Variants in DSCAML1 observed in about 807,000 individuals in gnomAD.
DSCAML1 encodes the protein cell adhesion molecule DSCAML1.
A neutral mutation model predicts 200.5 loss-of-function variants in DSCAML1; 38 were observed. The observed-to-expected ratio is 0.19, with a 90% CI of 0.15 to 0.25. The LOEUF (loss-of-function observed/expected upper bound fraction) is 0.25, where lower values mean the gene tolerates loss of function less well. DSCAML1 is among the 10% of genes least tolerant of loss of function. The pLI, the probability that DSCAML1 is intolerant of heterozygous loss-of-function variation, is 1.00. For missense variants in DSCAML1, 2,223 were observed against 2,858.8 expected (o/e 0.78, Z 5.07); for synonymous variants, 1,215 against 1,165.0 (o/e 1.04, Z -0.87).
intron 3 of DSCAML1, among the ~76,000 whole-genome samples, chr11:117,640,015 G>A (rs2052372845): frequency 6.6e-6 from 1 of 152,176 alleles, no homozygotes; most frequent in Admixed American, 6.5e-5. Context: ...GACTTGGGTG[G>A]GTGGGCTCGT....
chr11:117,508,628 C>T (rs2049555978), intron 8 of DSCAML1, among the ~76,000 whole-genome samples: 1 of 152,052 alleles, frequency 6.6e-6, no homozygotes, highest in African/African-American at 2.4e-5. Flanking sequence ...CAAGCCCTTG[C>T]TGTCACAGCA....
At chr11:117,561,012 C>T (rs2050652414) in intron 3 of DSCAML1, among the ~76,000 whole-genome samples, 1 of 152,174 alleles carries the variant, frequency 6.6e-6, no homozygotes, top group African/African-American at 2.4e-5. Flanking sequence ...GGTGCTGGGG[C>T]CCCTGGGCAC....
chr11:117,811,498 G>A (rs1237622614), intron 1 of DSCAML1, among the ~76,000 whole-genome samples: 2 of 152,154 alleles, frequency 1.3e-5, no homozygotes, highest in Non-Finnish European at 2.9e-5. Flanking sequence ...ACTTCCAAAC[G>A]CCTGAACTGC....
chr11:117,614,430 T>G (rs1009937193), intron 3 of DSCAML1, among the ~76,000 whole-genome samples: 2 of 152,164 alleles, frequency 1.3e-5, no homozygotes, highest in Non-Finnish European at 2.9e-5. Context: ...GCCATTTGGA[T>G]TTTTAAGAGC....
At chr11:117,444,839 G>A (rs906448802) in intron 20 of DSCAML1, among the ~76,000 whole-genome samples, 1 of 152,154 alleles carries the variant, frequency 6.6e-6, no homozygotes, top group Non-Finnish European at 1.5e-5. Context: ...CAGACCTCCT[G>A]TCAGCCTCTT....
chr11:117,764,664 G>A (rs570566721), intron 3 of DSCAML1, among the ~76,000 whole-genome samples: 1 of 152,382 alleles, frequency 6.6e-6, no homozygotes, highest in South Asian at 2.1e-4. Flanking sequence ...GGAACCAGAA[G>A]CTGTGGTTTT....
intron 3 of DSCAML1, among the ~76,000 whole-genome samples, chr11:117,565,933 T>C (rs987764681): frequency 3.9e-5 from 6 of 152,190 alleles, no homozygotes; most frequent in African/African-American, 1.4e-4. Context: ...GGCAGATATC[T>C]CTTGGACAAC....
At chr11:117,810,068 C>G (rs1161838807) in intron 1 of DSCAML1, among the ~76,000 whole-genome samples, 2 of 149,876 alleles carry the variant, frequency 1.3e-5, no homozygotes, top group South Asian at 2.1e-4. Context: ...TTCACACACT[C>G]ACTTACACAT....
intron 1 of DSCAML1, among the ~76,000 whole-genome samples, chr11:117,804,979 A>G (rs1255626725): frequency 1.3e-5 from 2 of 152,166 alleles, no homozygotes; most frequent in Admixed American, 6.5e-5. Context: ...AATCCGGATG[A>G]GGTCTGAGCA....
At chr11:117,668,471 A>T (rs567478876) in intron 3 of DSCAML1, 1 of 152,212 alleles carries the variant, frequency 6.6e-6, no homozygotes. Flanking sequence ...TCTGCAAAGC[A>T]CAGTGTGCCC....
chr11:117,678,758 G>A (rs1183979406), intron 3 of DSCAML1, among the ~76,000 whole-genome samples: 4 of 152,244 alleles, frequency 2.6e-5, no homozygotes, highest in East Asian at 1.9e-4. Flanking sequence ...GCCAGAAGGC[G>A]GATGGGGAGA....
At chr11:117,528,440 G>A (rs967395012) in intron 4 of DSCAML1, among the ~76,000 whole-genome samples, 2 of 152,200 alleles carry the variant, frequency 1.3e-5, no homozygotes, top group African/African-American at 2.4e-5. Context: ...GCGACAGCCC[G>A]GGGGGACTGG....
At chr11:117,734,304 G>T (rs966082113) in intron 3 of DSCAML1, among the ~76,000 whole-genome samples, 5 of 152,186 alleles carry the variant, frequency 3.3e-5, no homozygotes, top group African/African-American at 1.2e-4. Context: ...GAGCACTTAC[G>T]GGGTGGGGGA....
At chr11:117,445,287 C>T (rs953143517) in intron 20 of DSCAML1, among the ~76,000 whole-genome samples, 1 of 152,210 alleles carries the variant, frequency 6.6e-6, no homozygotes, top group Non-Finnish European at 1.5e-5. Context: ...CTGGCATATT[C>T]CTCCTGCCTC....
intron 3 of DSCAML1, among the ~76,000 whole-genome samples, chr11:117,705,638 T>C (rs1244351663): frequency 1.3e-5 from 2 of 152,174 alleles, no homozygotes; most frequent in Non-Finnish European, 2.9e-5. Context: ...ACCTCACCCA[T>C]GTGTCCTGTC....
chr11:117,810,184 A>G (rs976307080), intron 1 of DSCAML1, among the ~76,000 whole-genome samples: 6 of 151,922 alleles, frequency 3.9e-5, no homozygotes, highest in Non-Finnish European at 8.8e-5. Flanking sequence ...TCATTTTCTG[A>G]TAGAGACAAA....
chr11:117,737,082 C>T (rs988101402), intron 3 of DSCAML1, among the ~76,000 whole-genome samples: 1 of 152,114 alleles, frequency 6.6e-6, no homozygotes, highest in Non-Finnish European at 1.5e-5. Flanking sequence ...ATCTGCTGTT[C>T]CTTTGAGGTC....
At chr11:117,593,046 A>G (rs900177243) in intron 3 of DSCAML1, among the ~76,000 whole-genome samples, 3 of 152,252 alleles carry the variant, frequency 2.0e-5, no homozygotes, top group African/African-American at 7.2e-5. Context: ...CATCTCAAGC[A>G]TCTGGCACAG....
intron 14 of DSCAML1, among the ~76,000 whole-genome samples, chr11:117,473,765 T>A (rs1254481259): frequency 2.0e-5 from 3 of 152,184 alleles, no homozygotes; most frequent in Non-Finnish European, 4.4e-5. Context: ...AAAAACACAT[T>A]ATTTTCTCTT....
Sources: allele counts gnomAD v4.1 joint callset (sites outside exome capture counted in the v4.1 genomes callset), GRCh38; gene constraint gnomAD v4.1.1; transcripts MANE v1.5; gene names NCBI Gene and HGNC (gene_info 2026-07-23, HGNC 2026-07-21).